ABAT: variants seen among roughly 807,000 people sequenced by gnomAD.
The protein encoded by ABAT is 4-aminobutyrate aminotransferase, mitochondrial.
Under a neutral mutation model 64.6 loss-of-function variants are expected in ABAT, and 45 were observed. The observed-to-expected ratio is 0.70, with a 90% CI of 0.55 to 0.89. The LOEUF is 0.89. ABAT is among the 40% of genes least tolerant of loss of function. The probability of loss-of-function intolerance (pLI) is 0.00; values close to 1 mark genes in which losing one functional copy is unlikely to be tolerated. For missense variants in ABAT, 633 were observed against 658.4 expected (o/e 0.96, Z 0.42); for synonymous variants, 297 against 250.5 (o/e 1.19, Z -1.75).
chr16:8,727,159 G>A (rs1376310774), intron 1 of ABAT, among the ~76,000 whole-genome samples: 1 of 152,030 alleles, frequency 6.6e-6, no homozygotes, highest in African/African-American at 2.4e-5. Flanking sequence ...TCGCTTTGTT[G>A]GTTGTATCCT....
chr16:8,731,392 A>G (rs1301509451), intron 1 of ABAT: 2 of 152,266 alleles, frequency 1.3e-5, no homozygotes, highest in Non-Finnish European at 2.9e-5. Context: ...ACTCTGAACA[A>G]TAACAGCCAT....
intron 1 of ABAT, among the ~76,000 whole-genome samples, chr16:8,731,115 A>C (rs1186266478): frequency 6.6e-6 from 1 of 152,052 alleles, no homozygotes; most frequent in East Asian, 1.9e-4. Context: ...GGCGTGCACC[A>C]CCACACCCAG....
At chr16:8,688,018 C>T (rs1338408133) in intron 1 of ABAT, among the ~76,000 whole-genome samples, 1 of 152,062 alleles carries the variant, frequency 6.6e-6, no homozygotes, top group Non-Finnish European at 1.5e-5. Flanking sequence ...CTGCCTCAGC[C>T]TCCCCAGTAG....
chr16:8,772,706 A>G, intron 11 of ABAT, 74 bp from the exon 12 acceptor site: 1 of 1,592,626 alleles, frequency 6.3e-7, no homozygotes, highest in Non-Finnish European at 8.6e-7. Flanking sequence ...GGCTCATCGA[A>G]CCCCAGATTC....
At chr16:8,765,406 G>A (rs2059915650) in intron 8 of ABAT, among the ~76,000 whole-genome samples, 1 of 151,776 alleles carries the variant, frequency 6.6e-6, no homozygotes. Flanking sequence ...GCTCACACTT[G>A]TAATCCCAGC....
At chr16:8,675,534 C>T (rs1319725174) in intron 1 of ABAT, among the ~76,000 whole-genome samples, 1 of 152,150 alleles carries the variant, frequency 6.6e-6, no homozygotes, top group Non-Finnish European at 1.5e-5. Flanking sequence ...TTCTCCACCT[C>T]ACCCCAACTC....
rs371763232 is a variant in ABAT, at chr16:8,745,949, C to T, written c.71-52C>T. The T allele has an allele frequency of 3.8e-6, 6 of 1,562,740 alleles. No homozygotes were observed. The African/African-American group carries it at 6.8e-5, about 18-fold the overall frequency. ...ATTGGGCATCTGTCAGGGCAGAATC[C>T]TCATGATCTCTGCTGTCACCAGGGA... On this transcript the variant is annotated intron_variant, in intron 2 of 15. Transcript: ENST00000268251.
At chr16:8,688,419 G>T (rs145419835) in intron 1 of ABAT, among the ~76,000 whole-genome samples, 123 of 152,296 alleles carry the variant, frequency 8.1e-4, no homozygotes, top group African/African-American at 2.8e-3. Flanking sequence ...CAGGGCCAGG[G>T]ACTTAGAAGC....
At chr16:8,682,586 A>G (rs2057360909) in intron 1 of ABAT, among the ~76,000 whole-genome samples, 2 of 137,700 alleles carry the variant, frequency 1.5e-5, no homozygotes, top group East Asian at 2.3e-4. Flanking sequence ...CATGTTCTCT[A>G]GGAATCCTGG....
At chr16:8,699,072 T>A (rs2057764052) in intron 1 of ABAT, among the ~76,000 whole-genome samples, 3 of 152,226 alleles carry the variant, frequency 2.0e-5, no homozygotes, top group Admixed American at 2.0e-4. Flanking sequence ...CTGGGTCATA[T>A]GGTGATTCTG....
chr16:8,722,601 T>G (rs908150147), intron 1 of ABAT, among the ~76,000 whole-genome samples: 3 of 152,042 alleles, frequency 2.0e-5, no homozygotes, highest in Non-Finnish European at 4.4e-5. Context: ...GGGAAATGCA[T>G]GGGGGAGATT....
chr16:8,779,542 C>G lies in ABAT; in HGVS notation c.1333C>G (p.Pro445Ala). Residue 445 changes from proline to alanine, a missense_variant, in exon 15 of 16, where the codon CCC becomes GCC. Pro to Ala is a conservative substitution (Grantham distance 27). Coordinates refer to ENST00000268251, the MANE Select transcript of ABAT (RefSeq NM_020686.6). ...GRGTFCSFDT[P>A]DDSIRNKLIL... is the part of the protein sequence containing the mutation. ...AGGCACCTTTTGCTCCTTCGATACT[C>G]CCGATGATTCCATACGGAATAAGCT... 1.2e-6 allele frequency: 2 copies of G among 1,614,186 alleles called. No individual in the cohort carries two copies. Among genetic ancestry groups the G allele is most frequent in the Non-Finnish European group, 1.7e-6 (2 of 1,180,042 alleles).
intron 14 of ABAT, among the ~76,000 whole-genome samples, chr16:8,777,821 A>C (rs12445687): frequency 1.3e-5 from 2 of 152,084 alleles, no homozygotes; most frequent in African/African-American, 4.8e-5. Context: ...GGATTCAAGA[A>C]TGTGCCCACT....
intron 12 of ABAT, 44 bp from the exon 13 acceptor site, chr16:8,774,846 T>G (rs369503679): frequency 4.3e-6 from 7 of 1,611,234 alleles, no homozygotes; most frequent in Non-Finnish European, 5.9e-6. Flanking sequence ...ATTTCTGGCC[T>G]CCCACGGGTG....
intron 1 of ABAT, among the ~76,000 whole-genome samples, chr16:8,711,972 G>T (rs1379153318): frequency 2.7e-5 from 4 of 147,940 alleles, no homozygotes; most frequent in Non-Finnish European, 6.0e-5. Flanking sequence ...AGGTGCGGTG[G>T]CTCATGCCTG....
chr16:8,771,314 ACCAAG>A (rs923135799), intron 11 of ABAT, among the ~76,000 whole-genome samples: 3 of 151,966 alleles, frequency 2.0e-5, no homozygotes, highest in African/African-American at 7.2e-5. Context: ...AAAAAAGAAA[ACCAAG>A]AAAAGTATCT....
intron 2 of ABAT, among the ~76,000 whole-genome samples, chr16:8,738,212 T>C (rs2059039939): frequency 1.3e-5 from 2 of 151,682 alleles, no homozygotes; most frequent in African/African-American, 4.8e-5. Context: ...TCTCAGCTAC[T>C]GGGGAGGCTG....
At chr16:8,777,739 G>C (rs1381032102) in intron 14 of ABAT, among the ~76,000 whole-genome samples, 1 of 152,208 alleles carries the variant, frequency 6.6e-6, no homozygotes, top group Non-Finnish European at 1.5e-5. Flanking sequence ...GCTAGAGTAA[G>C]TGCTGGAAGG....
In ABAT at chr16:8,738,612, T is replaced by TTTTG. The variant is rs2059057103; in HGVS notation, c.70+2807_70+2810dup. ...TTCCTTTTTTCTTTTTTGTTTTTGT[T>TTTTG]TTTGTTTTTGTTTTTGTTTTTTTTT... On this transcript the variant is annotated intron_variant, in intron 2 of 15. Transcript: ENST00000268251. 1.5e-5 allele frequency among the ~76,000 whole-genome samples: 2 copies of TTTTG among 135,374 alleles called. 1 individual carries two copies. Among genetic ancestry groups the TTTTG allele is most frequent in the South Asian group, 4.7e-4 (2 of 4,272 alleles). 88.8% of individuals were successfully genotyped at this position (135,374 alleles called of 152,430 possible).
Sources: gnomAD v4.1 joint callset for allele counts (sites outside exome capture counted in the v4.1 genomes callset) on GRCh38, gnomAD v4.1.1 for gene constraint, MANE v1.5 for transcripts, NCBI Gene and HGNC (gene_info 2026-07-23, HGNC 2026-07-21) for gene names.